The following SPEM1 variants were observed in gnomAD, a reference collection of about 807,000 sequenced individuals.
The protein encoded by SPEM1 is spermatid maturation protein 1.
Under a neutral mutation model 9.0 loss-of-function variants are expected in SPEM1, and 10 were observed. The observed-to-expected ratio is 1.11, with a 90% CI of 0.68 to 1.88. The LOEUF (loss-of-function observed/expected upper bound fraction) is 1.88, where lower values mean the gene tolerates loss of function less well. Among genes scored for constraint, SPEM1 ranks in the 40% most tolerant of loss-of-function variants. The pLI is 0.00. For missense variants in SPEM1, 401 were observed against 408.6 expected, an observed-to-expected ratio of 0.98 and a Z score of 0.16; for synonymous variants, 175 against 157.8, an observed-to-expected ratio of 1.11 and a Z score of -0.82.
chr17:7,420,405 G>A lies in SPEM1; in HGVS notation c.21G>A (p.Pro7=), dbSNP rs764863603. MAMVER[P]RPEWASYHNC... is the part of the protein sequence containing the mutation. ...ACCCCATGGCCATGGTTGAGCGGCC[G>A]AGGCCCGAGTGGGCCTCGTATCACA... Residue 7 remains proline, a synonymous_variant, in exon 1 of 3, where the codon CCG becomes CCA. Transcript: ENST00000323675. The A allele has an allele frequency of 6.4e-6, 10 of 1,557,634 alleles. No individual in the cohort carries two copies. The highest frequency in any genetic ancestry group is 5.9e-5 in the South Asian group (5 of 84,570).
At position 7,420,441 on chromosome 17, in the gene SPEM1, C is replaced by G; in HGVS notation, c.57C>G (p.Ser19Arg). Residue 19 changes from serine (S) to arginine (R), a missense_variant, in exon 1 of 3, where the codon AGC becomes AGG. By Grantham distance (110) the Ser-to-Arg change is moderately radical (BLOSUM62 -1). Transcript: ENST00000323675. ...GGGCCTCGTATCACAACTGCAACAG[C>G]AACAGCTGCCAGGACCTGGGCAACT... is the stretch of plus-strand genomic sequence containing the variant. ...PEWASYHNCN[S>R]NSCQDLGNSV... is the part of the protein sequence containing the mutation. The G allele has an allele frequency of 6.3e-7, 1 of 1,594,352 alleles. No homozygotes were observed.
Position 7,421,357 on chromosome 17 carries a change from C to T in SPEM1, c.682C>T (p.Pro228Ser), listed in dbSNP as rs766456590. The T allele has an allele frequency of 3.7e-6, 6 of 1,613,282 alleles. No homozygotes were observed. Among genetic ancestry groups the T allele is most frequent in the Non-Finnish European group, 5.1e-6 (6 of 1,179,692 alleles). ...SHKNGGEGAV[P>S]EAEAAQYQPV... is the part of the protein sequence containing the mutation. ...CAAGAACGGTGGGGAGGGGGCGGTG[C>T]CAGAGGCAGAGGCGGCTCAGTACCA... Residue 228 changes from proline to serine, a missense_variant, in exon 3 of 3, where the codon CCA becomes TCA. Coordinates refer to ENST00000323675, the MANE Select transcript of SPEM1 (RefSeq NM_199339.3). This position sits in a 1 kb window ranked among gnomAD's most constrained non-coding sequence, Gnocchi z 4.8.
rs1449458578 is a variant in SPEM1 at position 7,420,891 on chromosome 17, G to A, written c.216G>A (p.Lys72=). Residue 72 remains lysine (K), a synonymous_variant, in exon 3 of 3, where the codon AAG becomes AAA. Transcript: ENST00000323675. Reference sequence around the variant, plus strand: ...CTCCCCCATCCACAGAAGCTCCCAAGTCATCATTACTCAGAAAGCAGACCC... The same window carrying A: ...CTCCCCCATCCACAGAAGCTCCCAAATCATCATTACTCAGAAAGCAGACCC... ...HDTICEKEAP[K]SSLLRKQTQP... The A allele has an allele frequency of 3.5e-5, 56 of 1,613,560 alleles. No individual in the cohort carries two copies. Among genetic ancestry groups the A allele is most frequent in the Non-Finnish European group, 4.7e-5 (55 of 1,179,906 alleles).
rs1389592342 is a variant in SPEM1 at position 7,421,252 on chromosome 17, G to A, written c.577G>A (p.Gly193Ser). ...PTVEERPLKT[G>S]IWSELGLRAY... ...CGTAGAGGAAAGGCCCCTCAAAACA[G>A]GCATATGGTCCGAGCTGGGCCTAAG... The change falls in exon 3 of 3, where the codon GGC becomes AGC. Residue 193 changes from glycine (G) to serine (S), a missense_variant. By Grantham distance (56) the Gly-to-Ser change is moderately conservative. Coordinates refer to ENST00000323675, the MANE Select transcript of SPEM1 (RefSeq NM_199339.3). This position sits in a 1 kb window ranked among gnomAD's most constrained non-coding sequence, Gnocchi z 4.8. 1 of 1,614,040 alleles carries A rather than the reference G, an allele frequency of 6.2e-7. No individual in the cohort carries two copies. Among genetic ancestry groups the A allele is most frequent in the Non-Finnish European group, 8.5e-7 (1 of 1,180,034 alleles).
Position 7,420,690 on chromosome 17 carries a change from A to G in SPEM1, c.205+3A>G. ...CCATGATACCATTTGTGAGAAAGGT[A>G]AGAGGTCTGGGGGCTGGGACATAGG... On this transcript the variant is annotated splice_donor_region_variant and intron_variant, in intron 2 of 2. Coordinates refer to ENST00000323675, the MANE Select transcript of SPEM1 (RefSeq NM_199339.3). 1 of 1,613,890 alleles carries G rather than the reference A, an allele frequency of 6.2e-7. No individual in the cohort carries two copies. The highest frequency in any genetic ancestry group is 8.5e-7 in the Non-Finnish European group (1 of 1,179,982).
At chr17:7,420,714 G>C (rs532854601) in intron 2 of SPEM1, 27 bp downstream of exon 2, 3 of 1,612,736 alleles carry the variant, frequency 1.9e-6, no homozygotes, top group African/African-American at 2.7e-5. Flanking sequence ...CTGGGACATA[G>C]GAGGGGCAGA....
At position 7,421,463 on chromosome 17, in the gene SPEM1, A is replaced by C. The variant is rs757755681; in HGVS notation, c.788A>C (p.Asp263Ala). 2.2e-5 allele frequency: 36 copies of C among 1,612,580 alleles called. No individual in the cohort carries two copies. Among genetic ancestry groups the C allele is most frequent in the African/African-American group, 2.7e-5 (2 of 74,918 alleles). Reference protein sequence around the residue: ...RHRSSGRIVYDARDMRRRLRE... With the variant: ...RHRSSGRIVYAARDMRRRLRE... ...CGCTCCTCAGGCCGAATAGTGTATG[A>C]TGCCCGGGACATGAGACGGCGGCTT... The change falls in exon 3 of 3, where the codon GAT (aspartate) becomes GCT (alanine). Residue 263 changes from aspartate (D) to alanine (A), a missense_variant. Coordinates refer to ENST00000323675, the MANE Select transcript of SPEM1 (RefSeq NM_199339.3). The surrounding 1 kb of genome is among the most constrained non-coding windows in gnomAD (Gnocchi z 4.8).
chr17:7,421,561 G>A lies in SPEM1; in HGVS notation c.886G>A (p.Glu296Lys). The A allele has an allele frequency of 6.5e-7, 1 of 1,540,086 alleles. No homozygotes were observed. Among genetic ancestry groups the A allele is most frequent in the Non-Finnish European group, 8.7e-7 (1 of 1,149,012 alleles). ...PLASGSSTAE[E>K]TSKNWVYRSL... is the part of the protein sequence containing the mutation. Reference sequence around the variant, plus strand: ...AGCCTCTGGATCCAGCACTGCCGAGGAGACAAGCAAGAATTGGGTGTACCG... The same window carrying A: ...AGCCTCTGGATCCAGCACTGCCGAGAAGACAAGCAAGAATTGGGTGTACCG... Residue 296 changes from glutamate (E) to lysine (K), a missense_variant, in exon 3 of 3, where the codon GAG becomes AAG. Transcript: ENST00000323675. The surrounding 1 kb of genome is among the most constrained non-coding windows in gnomAD (Gnocchi z 4.8).
Position 7,420,697 on chromosome 17 carries a change from C to T in SPEM1, c.205+10C>T. 1 of 1,613,656 alleles carries T rather than the reference C, an allele frequency of 6.2e-7. No homozygotes were observed. Among genetic ancestry groups the T allele is most frequent in the Non-Finnish European group, 8.5e-7 (1 of 1,179,992 alleles). On this transcript the variant is annotated intron_variant, in intron 2 of 2. Transcript: ENST00000323675. ...ACCATTTGTGAGAAAGGTAAGAGGT[C>T]TGGGGGCTGGGACATAGGAGGGGCA...
In SPEM1 at chr17:7,421,078, G is replaced by A. The variant is rs373758509; in HGVS notation, c.403G>A (p.Glu135Lys). Residue 135 changes from glutamate to lysine, a missense_variant, in exon 3 of 3, where the codon GAG (glutamate) becomes AAG (lysine). Physicochemically the swap from Glu to Lys is moderately conservative, Grantham distance 56. Coordinates refer to ENST00000323675, the MANE Select transcript of SPEM1 (RefSeq NM_199339.3). This position sits in a 1 kb window ranked among gnomAD's most constrained non-coding sequence, Gnocchi z 4.8. ...AGCTTGGGCTCCTGACACTGATGAC[G>A]AGAAGCCTCATCAGTACCCAGCCAT... Reference protein sequence around the residue: ...PVAWAPDTDDEKPHQYPAICS... With the variant: ...PVAWAPDTDDKKPHQYPAICS... 82 of 1,613,928 alleles carry A rather than the reference G, an allele frequency of 5.1e-5. No homozygotes were observed. The highest frequency in any genetic ancestry group is 5.9e-5 in the Non-Finnish European group (70 of 1,180,004).
At chr17:7,420,721 C>A in intron 2 of SPEM1, 34 bp downstream of exon 2, 1 of 1,612,060 alleles carries the variant, frequency 6.2e-7, no homozygotes. Context: ...ATAGGAGGGG[C>A]AGAAACCAAG....
chr17:7,420,537 G>A lies in SPEM1; in HGVS notation c.144+9G>A, dbSNP rs1175992174. 1.9e-6 allele frequency: 3 copies of A among 1,613,338 alleles called. No individual in the cohort carries two copies. The highest frequency in any genetic ancestry group is 2.2e-5 in the East Asian group (1 of 44,850). ...TCAATATAGTGACCCTGGTCAGGGTGGGGCCAGATGGGAGGGAGCTGGTGG... is the reference window on the plus strand; with the variant it reads ...TCAATATAGTGACCCTGGTCAGGGTAGGGCCAGATGGGAGGGAGCTGGTGG... On this transcript the variant is annotated intron_variant, in intron 1 of 2. Coordinates refer to ENST00000323675, the MANE Select transcript of SPEM1 (RefSeq NM_199339.3).
At chr17:7,420,842 C>T (rs1218256514) in intron 2 of SPEM1, 39 bp from the exon 3 acceptor site, 2 of 1,607,054 alleles carry the variant, frequency 1.2e-6, no homozygotes, top group Non-Finnish European at 1.7e-6. Flanking sequence ...CCTGTAGGAG[C>T]TGGCCTCCCC....
chr17:7,420,395 T>C lies in SPEM1; in HGVS notation c.11T>C (p.Val4Ala), dbSNP rs1224614989. 8.5e-6 allele frequency: 13 copies of C among 1,533,556 alleles called. No homozygotes were observed. The highest frequency in any genetic ancestry group is 9.6e-6 in the Non-Finnish European group (11 of 1,140,582). The allele number at this position is 1,533,556 out of a possible 1,614,324, so 95.0% of individuals were successfully genotyped here. MAM[V>A]ERPRPEWASY... ...GGTCCTAGGGACCCCATGGCCATGG[T>C]TGAGCGGCCGAGGCCCGAGTGGGCC... is the stretch of plus-strand genomic sequence containing the variant. The change falls in exon 1 of 3, where the codon GTT (valine) becomes GCT (alanine). Residue 4 changes from valine to alanine, a missense_variant. Physicochemically the swap from Val to Ala is moderately conservative, Grantham distance 64. Transcript: ENST00000323675.
Position 7,421,291 on chromosome 17 carries a change from C to A in SPEM1, c.616C>A (p.Pro206Thr), listed in dbSNP as rs554302618. Residue 206 changes from proline (P) to threonine (T), a missense_variant, in exon 3 of 3, where the codon CCT (proline) becomes ACT (threonine). By Grantham distance (38) the Pro-to-Thr change is conservative. Coordinates refer to ENST00000323675, the MANE Select transcript of SPEM1 (RefSeq NM_199339.3). This position sits in a 1 kb window ranked among gnomAD's most constrained non-coding sequence, Gnocchi z 4.8. ...SELGLRAYVY[P>T]VNPPPPSPEA... ...GCTGGGCCTAAGGGCCTATGTGTAT[C>A]CTGTGAACCCCCCACCTCCCAGCCC... is the stretch of plus-strand genomic sequence containing the variant. 6.2e-7 allele frequency: 1 copy of A among 1,614,150 alleles called. No individual in the cohort carries two copies. Among genetic ancestry groups the A allele is most frequent in the African/African-American group, 1.3e-5 (1 of 75,042 alleles).
Position 7,420,693 on chromosome 17 carries a change from A to T in SPEM1, c.205+6A>T. 6.2e-7 allele frequency: 1 copy of T among 1,613,762 alleles called. No individual in the cohort carries two copies. On this transcript the variant is annotated splice_donor_region_variant and intron_variant, in intron 2 of 2. Transcript: ENST00000323675. ...TGATACCATTTGTGAGAAAGGTAAG[A>T]GGTCTGGGGGCTGGGACATAGGAGG...
In SPEM1 at chr17:7,420,471, C is replaced by T. The variant is rs974123739; in HGVS notation, c.87C>T (p.Val29=). The change falls in exon 1 of 3, where the codon GTC becomes GTT. Residue 29 remains valine, a synonymous_variant. Coordinates refer to ENST00000323675, the MANE Select transcript of SPEM1 (RefSeq NM_199339.3). ...SNSCQDLGNS[V]LLLLGLIICI... is the part of the protein sequence containing the mutation. ...GCTGCCAGGACCTGGGCAACTCTGT[C>T]CTGTTGCTGCTGGGCCTCATCATCT... The T allele has an allele frequency of 6.2e-6, 10 of 1,609,126 alleles. No homozygotes were observed. Among genetic ancestry groups the T allele is most frequent in the Middle Eastern group, 1.6e-4 (1 of 6,076 alleles).
In SPEM1 at chr17:7,421,520, C is replaced by T. The variant is rs1312748908; in HGVS notation, c.845C>T (p.Ser282Phe). The T allele has an allele frequency of 1.2e-6, 2 of 1,602,136 alleles. No individual in the cohort carries two copies. The highest frequency in any genetic ancestry group is 3.4e-5 in the Admixed American group (2 of 59,454). ...CTGACCCGGGAGGTGGAGGCCCTGT[C>T]CGGCTGCTACCCCCTAGCCTCTGGA... ...RELTREVEAL[S>F]GCYPLASGSS... Residue 282 changes from serine to phenylalanine, a missense_variant, in exon 3 of 3, where the codon TCC becomes TTC. Transcript: ENST00000323675. The surrounding 1 kb of genome is among the most constrained non-coding windows in gnomAD (Gnocchi z 4.8).
chr17:7,420,928 A>T lies in SPEM1; in HGVS notation c.253A>T (p.Lys85Ter). 6.2e-7 allele frequency: 1 copy of T among 1,614,000 alleles called. No homozygotes were observed. Among genetic ancestry groups the T allele is most frequent in the Non-Finnish European group, 8.5e-7 (1 of 1,179,978 alleles). Residue 85 changes from lysine (K) to a stop codon, truncating the protein, a stop_gained, in exon 3 of 3, where the codon AAG becomes TAG. Coordinates refer to ENST00000323675, the MANE Select transcript of SPEM1 (RefSeq NM_199339.3). LOFTEE classifies it low-confidence loss of function (END_TRUNC). ...CAGAAAGCAGACCCAGCCCCCTAAG[A>T]AGCAGAGTTCTCCTGCAGTCCATCT... ...LLRKQTQPPK[K>*]QSSPAVHLRC...
Sources: gnomAD v4.1 joint callset for allele counts on GRCh38, gnomAD v4.1.1 for gene constraint, Gnocchi (gnomAD v3.1) non-coding constraint, MANE v1.5 for transcripts, NCBI Gene and HGNC (gene_info 2026-07-23, HGNC 2026-07-21) for gene names.